Variants in GABRP observed in about 807,000 individuals in gnomAD.
GABRP encodes the protein gamma-aminobutyric acid type A receptor subunit pi.
A neutral mutation model predicts 47.8 loss-of-function variants in GABRP; 52 were observed. That is an observed-to-expected ratio of 1.09 (90% CI 0.87 to 1.37). GABRP has a LOEUF of 1.37. GABRP is among the 40% of genes most tolerant of loss of function. GABRP has a pLI of 0.00. For synonymous variants in GABRP, 221 were observed against 205.8 expected (o/e 1.07, Z -0.63); for missense variants, 525 against 542.8 (o/e 0.97, Z 0.33).
At chr5:170,784,474 C>T (rs1476124115) in intron 1 of GABRP, among the ~76,000 whole-genome samples, 3 of 151,816 alleles carry the variant, frequency 2.0e-5, no homozygotes, top group South Asian at 2.1e-4. Flanking sequence ...CAGGAAGAGG[C>T]GGGGGAGACT....
At chr5:170,805,945 C>A (rs1765724839) in intron 7 of GABRP, 92 bp downstream of exon 7, 5 of 1,410,512 alleles carry the variant, frequency 3.5e-6, no homozygotes, top group South Asian at 1.3e-5. Context: ...TCTCACTTTA[C>A]CTCCTTGGGA....
rs752031874 is a variant in GABRP at position 170,812,278 on chromosome 5, C to A, written c.*20C>A. 1 of 1,590,572 alleles carries A rather than the reference C, an allele frequency of 6.3e-7. No homozygotes were observed. Among genetic ancestry groups the A allele is most frequent in the Non-Finnish European group, 8.6e-7 (1 of 1,162,486 alleles). On this transcript the variant is annotated 3_prime_UTR_variant, in exon 10 of 10. Coordinates refer to ENST00000265294, the MANE Select transcript of GABRP (RefSeq NM_014211.3). ...TTTTGAGTCAATGTTAAATTTCTTG[C>A]ATGCCATAGGTCTTCAACAGGACAA...
chr5:170,801,817 A>G (rs1368182555), intron 6 of GABRP, among the ~76,000 whole-genome samples: 1 of 150,936 alleles, frequency 6.6e-6, no homozygotes, highest in Non-Finnish European at 1.5e-5. Context: ...AGGACTTTAA[A>G]TAATTATAAC....
intron 1 of GABRP, among the ~76,000 whole-genome samples, chr5:170,786,193 G>A (rs72837674): frequency 9.8e-5 from 15 of 152,312 alleles, no homozygotes; most frequent in African/African-American, 2.9e-4. Context: ...GAGGGCATGG[G>A]AGCTGCTCCA....
At position 170,795,390 on chromosome 5, in the gene GABRP, C is replaced by T; in HGVS notation, c.423C>T (p.Arg141=). 1 of 1,614,124 alleles carries T rather than the reference C, an allele frequency of 6.2e-7. No homozygotes were observed. The highest frequency in any genetic ancestry group is 2.2e-5 in the East Asian group (1 of 44,850). Residue 141 remains arginine, a synonymous_variant, in exon 5 of 10, where the codon CGC becomes CGT. Coordinates refer to ENST00000265294, the MANE Select transcript of GABRP (RefSeq NM_014211.3). ...TCACTGTGGGAAACAGGCTCATCCGCCTCTTCTCCAATGGCACGGTCCTGT... is the reference window on the plus strand; with the variant it reads ...TCACTGTGGGAAACAGGCTCATCCGTCTCTTCTCCAATGGCACGGTCCTGT... ...HEVTVGNRLI[R]LFSNGTVLYA...
In GABRP at chr5:170,806,488, G is replaced by A. The variant is rs971180825; in HGVS notation, c.679+635G>A. Among the ~76,000 whole-genome samples the A allele has an allele frequency of 3.9e-5, 6 of 152,168 alleles. 1 individual carries two copies. Among genetic ancestry groups the A allele is most frequent in the Admixed American group, 3.9e-4 (6 of 15,282 alleles). ...AATTGAGACAAAGTCTTTCGCACAG[G>A]CTGGAGTGCAGTGGCACGATCTCAG... On this transcript the variant is annotated intron_variant, in intron 7 of 9. Coordinates refer to ENST00000265294, the MANE Select transcript of GABRP (RefSeq NM_014211.3).
intron 9 of GABRP, among the ~76,000 whole-genome samples, chr5:170,811,056 A>G (rs1765870081): frequency 6.6e-6 from 1 of 151,402 alleles, no homozygotes; most frequent in Admixed American, 6.6e-5. Flanking sequence ...TCACTGCACT[A>G]TGGAGTACTC....
intron 5 of GABRP, among the ~76,000 whole-genome samples, chr5:170,796,666 C>G (rs893878527): frequency 2.6e-5 from 4 of 152,124 alleles, no homozygotes; most frequent in Non-Finnish European, 5.9e-5. Context: ...AAGCACTCAG[C>G]CCAGGGACTA....
intron 1 of GABRP, among the ~76,000 whole-genome samples, chr5:170,785,593 C>A (rs554453855): frequency 1.4e-4 from 22 of 152,336 alleles, no homozygotes; most frequent in African/African-American, 4.8e-4. Flanking sequence ...CATGAGACTC[C>A]TTAGAGGAGG....
chr5:170,785,895 G>T lies in GABRP; in HGVS notation c.-43+2021G>T, dbSNP rs73327117. Among the ~76,000 whole-genome samples, 239 of 152,306 alleles carry T rather than the reference G, an allele frequency of 1.6e-3. 2 individuals are homozygous for T. The highest frequency in any genetic ancestry group is 5.4e-3 in the African/African-American group (224 of 41,566). Reference sequence around the variant, plus strand: ...CCTGCACATCTCTGTCCAACATTTGGAGGGCCCCCACTCTCCTTTGTCCAC... The same window carrying T: ...CCTGCACATCTCTGTCCAACATTTGTAGGGCCCCCACTCTCCTTTGTCCAC... On this transcript the variant is annotated intron_variant, in intron 1 of 9. Transcript: ENST00000265294.
chr5:170,798,450 G>T (rs1323137647), intron 6 of GABRP, among the ~76,000 whole-genome samples: 3 of 152,256 alleles, frequency 2.0e-5, no homozygotes, highest in South Asian at 2.1e-4. Flanking sequence ...TTTCATAAGC[G>T]TTTTGTGGGA....
At chr5:170,793,898 G>A (rs544364964) in intron 3 of GABRP, among the ~76,000 whole-genome samples, 1 of 152,128 alleles carries the variant, frequency 6.6e-6, no homozygotes, top group East Asian at 1.9e-4. Context: ...TGCTATTATT[G>A]CACTCCAGCC....
intron 7 of GABRP, among the ~76,000 whole-genome samples, chr5:170,807,898 G>A (rs1284775340): frequency 6.6e-6 from 1 of 152,112 alleles, no homozygotes; most frequent in African/African-American, 2.4e-5. Flanking sequence ...TGTTCCCAGA[G>A]GATAACCTCT....
intron 6 of GABRP, among the ~76,000 whole-genome samples, chr5:170,801,641 G>A (rs193007596): frequency 6.6e-6 from 1 of 152,248 alleles, no homozygotes; most frequent in African/African-American, 2.4e-5. Context: ...AGCCAGTCTG[G>A]ATGGCTGGTT....
intron 6 of GABRP, among the ~76,000 whole-genome samples, chr5:170,801,774 T>G (rs1374208692): frequency 6.6e-6 from 1 of 151,902 alleles, no homozygotes; most frequent in Non-Finnish European, 1.5e-5. Flanking sequence ...AATGCTGCAG[T>G]CTTCGAGAAC....
At chr5:170,801,288 T>G (rs571303212) in intron 6 of GABRP, among the ~76,000 whole-genome samples, 2 of 152,324 alleles carry the variant, frequency 1.3e-5, no homozygotes, top group East Asian at 3.9e-4. Context: ...GAGCTGCTTA[T>G]TTTTCCTGAG....
intron 5 of GABRP, among the ~76,000 whole-genome samples, chr5:170,796,691 C>T (rs1370804460): frequency 6.6e-6 from 1 of 152,180 alleles, no homozygotes; most frequent in Non-Finnish European, 1.5e-5. Context: ...ACAGTAAGCA[C>T]TCAGTAAACC....
At chr5:170,807,017 C>T (rs184577813) in intron 7 of GABRP, among the ~76,000 whole-genome samples, 1 of 152,206 alleles carries the variant, frequency 6.6e-6, no homozygotes, top group Admixed American at 6.5e-5. Context: ...GGCGCAATCT[C>T]AGCTCACGGC....
chr5:170,795,458 G>T, intron 5 of GABRP, 33 bp downstream of exon 5: 2 of 1,563,390 alleles, frequency 1.3e-6, no homozygotes, highest in Non-Finnish European at 1.8e-6. Flanking sequence ...AGGGGTGGAG[G>T]ACGGCAGCTG....
Sources: allele counts gnomAD v4.1 joint callset (sites outside exome capture counted in the v4.1 genomes callset), GRCh38; gene constraint gnomAD v4.1.1; transcripts MANE v1.5; gene names NCBI Gene and HGNC (gene_info 2026-07-23, HGNC 2026-07-21).